Variants in PPP2R3C observed in about 807,000 individuals in gnomAD.
The protein encoded by PPP2R3C is serine/threonine-protein phosphatase 2A regulatory subunit B'' subunit gamma.
Under a neutral mutation model 63.7 loss-of-function variants are expected in PPP2R3C, and 47 were observed. The observed-to-expected ratio is 0.74, with a 90% CI of 0.58 to 0.94. The LOEUF (loss-of-function observed/expected upper bound fraction) is 0.94. PPP2R3C is among the 40% of genes least tolerant of loss of function. The pLI is 0.00. For missense variants in PPP2R3C, 421 were observed against 518.4 expected, an observed-to-expected ratio of 0.81 and a Z score of 1.82; for synonymous variants, 180 against 177.4, an observed-to-expected ratio of 1.01 and a Z score of -0.12.
At position 35,088,088 on chromosome 14, in the gene PPP2R3C, A is replaced by T. The variant is rs1333700920; in HGVS notation, c.1114-78T>A. ...CTCTTTTGCCCTACAACCCCTTTCTACTTATACTTCCTTTCCTATCAGGCC... is the reference window on the plus strand; with the variant it reads ...CTCTTTTGCCCTACAACCCCTTTCTTCTTATACTTCCTTTCCTATCAGGCC... On this transcript the variant is annotated intron_variant, in intron 11 of 12. Transcript: ENST00000261475. The T allele has an allele frequency of 5.1e-6, 5 of 986,048 alleles. No individual in the cohort carries two copies. In the African/African-American group the frequency reaches 8.1e-5, roughly 16 times the overall value. 61.1% of individuals were successfully genotyped at this position (986,048 alleles called of 1,614,324 possible).
chr14:35,096,254 G>A (rs2045996140), intron 9 of PPP2R3C, among the ~76,000 whole-genome samples: 1 of 151,922 alleles, frequency 6.6e-6, no homozygotes, highest in Admixed American at 6.6e-5. Flanking sequence ...TGGGGTAGGG[G>A]CACTGAGGTG....
intron 1 of PPP2R3C, among the ~76,000 whole-genome samples, chr14:35,121,328 G>A (rs2046881567): frequency 6.6e-6 from 1 of 151,882 alleles, no homozygotes; most frequent in Non-Finnish European, 1.5e-5. Flanking sequence ...AGTGAGCGGA[G>A]ATGCTGCCAC....
intron 7 of PPP2R3C, 87 bp downstream of exon 7, chr14:35,099,165 A>C: frequency 7.3e-7 from 1 of 1,374,134 alleles, no homozygotes; most frequent in Non-Finnish European, 9.5e-7. Flanking sequence ...AAAATAAATG[A>C]TATTTTTCAA....
chr14:35,117,131 C>T (rs1216923212), intron 1 of PPP2R3C: 4 of 455,906 alleles, frequency 8.8e-6, no homozygotes, highest in Middle Eastern at 6.8e-4. Context: ...ACAGCCCCAG[C>T]CCCTGACCTC....
intron 6 of PPP2R3C, among the ~76,000 whole-genome samples, chr14:35,106,175 G>A (rs1457831338): frequency 6.6e-6 from 1 of 152,094 alleles, no homozygotes; most frequent in Non-Finnish European, 1.5e-5. Context: ...TTTAAAAAAA[G>A]AAAATAAATT....
chr14:35,085,500 A>T lies in PPP2R3C; in HGVS notation c.*90T>A. ...GTTCTCTAGGCATATCAAGTGTTTTATTTAGACCATTTCTGAGGATTTTGC... is the reference window on the plus strand; with the variant it reads ...GTTCTCTAGGCATATCAAGTGTTTTTTTTAGACCATTTCTGAGGATTTTGC... On this transcript the variant is annotated 3_prime_UTR_variant, in exon 13 of 13. Coordinates refer to ENST00000261475, the MANE Select transcript of PPP2R3C (RefSeq NM_017917.4). The T allele has an allele frequency of 1.6e-6, 2 of 1,231,516 alleles. No individual in the cohort carries two copies. Among genetic ancestry groups the T allele is most frequent in the Non-Finnish European group, 2.2e-6 (2 of 905,146 alleles). 76.3% of individuals were successfully genotyped at this position (1,231,516 alleles called of 1,614,324 possible).
At chr14:35,110,064 A>G (rs1191645325) in intron 3 of PPP2R3C, 133 bp from the exon 4 acceptor site, 1 of 636,240 alleles carries the variant, frequency 1.6e-6, no homozygotes, top group East Asian at 2.9e-5. Flanking sequence ...CTCATGCCCT[A>G]TTATCCTTTT....
chr14:35,091,326 G>T, intron 10 of PPP2R3C, 119 bp from the exon 11 acceptor site: 4 of 967,144 alleles, frequency 4.1e-6, no homozygotes, highest in Non-Finnish European at 4.4e-6. Flanking sequence ...TTTTCCCTAA[G>T]TTATGATATG....
chr14:35,117,255 G>A (rs1468794589), intron 1 of PPP2R3C: 7 of 433,770 alleles, frequency 1.6e-5, no homozygotes, highest in African/African-American at 4.1e-5. Context: ...CCTGCAACTC[G>A]CCTGCTATTG....
chr14:35,111,986 C>T (rs1286822787), intron 2 of PPP2R3C, among the ~76,000 whole-genome samples: 1 of 152,248 alleles, frequency 6.6e-6, no homozygotes, highest in Non-Finnish European at 1.5e-5. Flanking sequence ...CAATTCCCAT[C>T]TTGATAAATT....
At chr14:35,117,507 A>G (rs889166207) in intron 1 of PPP2R3C, among the ~76,000 whole-genome samples, 1 of 152,186 alleles carries the variant, frequency 6.6e-6, no homozygotes, top group African/African-American at 2.4e-5. Context: ...ATATACTCTC[A>G]GATCATCCTT....
chr14:35,117,908 G>A (rs564738780), intron 1 of PPP2R3C, among the ~76,000 whole-genome samples: 11 of 152,168 alleles, frequency 7.2e-5, no homozygotes, highest in East Asian at 3.9e-4. Flanking sequence ...TGGTCAGGCT[G>A]GTCTTGAACT....
intron 10 of PPP2R3C, 150 bp downstream of exon 10, chr14:35,094,898 G>C: frequency 1.3e-6 from 1 of 757,352 alleles, no homozygotes; most frequent in South Asian, 2.2e-5. Context: ...AGGTTGCATT[G>C]AGCGGAGATC....
chr14:35,099,517 A>C, intron 6 of PPP2R3C, 133 bp from the exon 7 acceptor site: 1 of 1,134,084 alleles, frequency 8.8e-7, no homozygotes, highest in Non-Finnish European at 1.2e-6. Context: ...TTTAGTGGTA[A>C]AACTATTTTA....
intron 11 of PPP2R3C, among the ~76,000 whole-genome samples, chr14:35,089,603 C>T (rs1296141094): frequency 6.6e-6 from 1 of 152,142 alleles, no homozygotes; most frequent in Non-Finnish European, 1.5e-5. Flanking sequence ...AACCTCCTGC[C>T]TCAGCTTCCC....
chr14:35,121,942 A>C lies in PPP2R3C; in HGVS notation c.18T>G (p.Val6=). The change falls in exon 1 of 13, where the codon GTT becomes GTG. Residue 6 remains valine (V), a synonymous_variant. Transcript: ENST00000261475. ...TGGGCGTCGCTAGGCGCCGACGAAG[A>C]ACTTCTTTCCAGTCCATGGCCGACT... is the stretch of plus-strand genomic sequence containing the variant. The part of the protein sequence containing the change: MDWKE[V]LRRRLATPNT... 1 of 1,614,166 alleles carries C rather than the reference A, an allele frequency of 6.2e-7. No homozygotes were observed. The highest frequency in any genetic ancestry group is 8.5e-7 in the Non-Finnish European group (1 of 1,180,024).
intron 5 of PPP2R3C, chr14:35,107,628 G>A: frequency 6.6e-6 from 3 of 456,060 alleles, no homozygotes; most frequent in Non-Finnish European, 1.2e-5. Context: ...CACCAAACAG[G>A]GACAGCTAGT....
intron 2 of PPP2R3C, among the ~76,000 whole-genome samples, chr14:35,112,106 G>A (rs1423010384): frequency 6.6e-6 from 1 of 152,184 alleles, no homozygotes; most frequent in African/African-American, 2.4e-5. Context: ...AGGAAAGCAT[G>A]CCTGTTGAGA....
At chr14:35,087,216 C>T (rs779890498) in intron 12 of PPP2R3C, 8 of 152,064 alleles carry the variant, frequency 5.3e-5, no homozygotes, top group East Asian at 1.9e-4. Context: ...GGAATTAGTA[C>T]ATGTTTTCTA....
Sources: allele counts gnomAD v4.1 joint callset (sites outside exome capture counted in the v4.1 genomes callset), GRCh38; gene constraint gnomAD v4.1.1; transcripts MANE v1.5; gene names NCBI Gene and HGNC (gene_info 2026-07-23, HGNC 2026-07-21).